The following DAPK1 variants were observed in gnomAD, a reference collection of about 807,000 sequenced individuals.
The protein encoded by DAPK1 is death-associated protein kinase 1.
A neutral mutation model predicts 144.9 loss-of-function variants in DAPK1; 56 were observed. That is an observed-to-expected ratio of 0.39 (90% CI 0.31 to 0.48). DAPK1 has a LOEUF of 0.48. Among genes scored for constraint, DAPK1 ranks in the 20% least tolerant of loss-of-function variants. DAPK1 has a pLI of 0.95. For synonymous variants in DAPK1, 690 were observed against 749.0 expected (o/e 0.92, Z 1.29); for missense variants, 1,454 against 1,875.4 (o/e 0.78, Z 4.15).
intron 19 of DAPK1, among the ~76,000 whole-genome samples, chr9:87,679,732 G>A (rs893362363): frequency 1.3e-5 from 2 of 152,120 alleles, no homozygotes; most frequent in African/African-American, 4.8e-5. Context: ...AGTGAGTAGC[G>A]AACTATTTCA....
At chr9:87,508,479 A>T (rs7856012) in intron 2 of DAPK1, among the ~76,000 whole-genome samples, 2,209 of 151,792 alleles carry the variant, frequency 0.015, 45 homozygotes, top group African/African-American at 0.051. Flanking sequence ...AGTAGCTGGG[A>T]CTACAGGTGC....
chr9:87,558,006 A>G (rs534905717), intron 2 of DAPK1, among the ~76,000 whole-genome samples: 12 of 152,202 alleles, frequency 7.9e-5, no homozygotes, highest in Admixed American at 7.9e-4. Context: ...TGGATAAGTC[A>G]GTTTGGAATC....
At chr9:87,668,742 C>T (rs547726586) in intron 19 of DAPK1, 68 bp downstream of exon 19, 2 of 876,172 alleles carry the variant, frequency 2.3e-6, no homozygotes, top group African/African-American at 3.3e-5. Context: ...CAGTCTTTTT[C>T]CTTATTTGAG....
intron 2 of DAPK1, among the ~76,000 whole-genome samples, chr9:87,541,175 A>G (rs1826035962): frequency 6.6e-6 from 1 of 152,150 alleles, no homozygotes; most frequent in Admixed American, 6.6e-5. Context: ...CTTTTATTCC[A>G]CTGGTGGGAA....
intron 2 of DAPK1, among the ~76,000 whole-genome samples, chr9:87,542,636 C>A (rs959517295): frequency 6.6e-6 from 1 of 152,194 alleles, no homozygotes; most frequent in Non-Finnish European, 1.5e-5. Flanking sequence ...GGAAGGCTCA[C>A]CAAACCCTCT....
At chr9:87,509,882 C>T (rs2118096180) in intron 2 of DAPK1, among the ~76,000 whole-genome samples, 1 of 152,374 alleles carries the variant, frequency 6.6e-6, no homozygotes, top group South Asian at 2.1e-4. Context: ...CTCTTTCTCA[C>T]TTGCTCCGTT....
rs917345797 is a variant in DAPK1 at position 87,581,055 on chromosome 9, C to T, written c.63-23899C>T. 3.9e-5 allele frequency among the ~76,000 whole-genome samples: 6 copies of T among 152,188 alleles called. No individual in the cohort carries two copies. The East Asian group carries it at 5.8e-4, about 15-fold the overall frequency. On this transcript the variant is annotated intron_variant, in intron 2 of 25. Transcript: ENST00000408954. Reference sequence around the variant, plus strand: ...GCGTGACCCAGTTAGATAGCTATCGCGTAACTTATCTGAGTTCTCTCCGCT... The same window carrying T: ...GCGTGACCCAGTTAGATAGCTATCGTGTAACTTATCTGAGTTCTCTCCGCT...
intron 2 of DAPK1, among the ~76,000 whole-genome samples, chr9:87,599,929 A>AT (rs1181300136): frequency 6.6e-6 from 1 of 152,218 alleles, no homozygotes; most frequent in Non-Finnish European, 1.5e-5. Flanking sequence ...ATTCATTAAC[A>AT]TTGAACTCAA....
intron 21 of DAPK1, among the ~76,000 whole-genome samples, chr9:87,694,360 C>T (rs1825182576): frequency 6.6e-6 from 1 of 152,104 alleles, no homozygotes. Flanking sequence ...CTAGGTGATC[C>T]CCAGGTCCCC....
rs996225152 is a variant in DAPK1, at chr9:87,556,998, G to A, written c.63-47956G>A. On this transcript the variant is annotated intron_variant, in intron 2 of 25. Coordinates refer to ENST00000408954, the MANE Select transcript of DAPK1 (RefSeq NM_004938.4). ...TGGCGGAGGTGGGCAGTTGACCTTC[G>A]GCTTTCCCCTTGGCCTCTAGGGATT... Among the ~76,000 whole-genome samples the A allele has an allele frequency of 2.6e-5, 4 of 152,210 alleles. No homozygotes were observed. In the East Asian group the frequency reaches 7.8e-4, roughly 30 times the overall value.
At position 87,707,533 on chromosome 9, in the gene DAPK1, C is replaced by A. The variant is rs1016528262; in HGVS notation, c.*169C>A. ...TGTTTCTCTGCCGCTACCTCCCTCC[C>A]CGTCTCATTCCGTTGTCTGTGGATG... On this transcript the variant is annotated 3_prime_UTR_variant, in exon 26 of 26. Coordinates refer to ENST00000408954, the MANE Select transcript of DAPK1 (RefSeq NM_004938.4). The surrounding 1 kb of genome is among the most constrained non-coding windows in gnomAD (Gnocchi z 4.0). 3.3e-6 allele frequency: 2 copies of A among 599,290 alleles called. No homozygotes were observed. Among genetic ancestry groups the A allele is most frequent in the East Asian group, 5.5e-5 (2 of 36,216 alleles). The allele number at this position is 599,290 out of a possible 1,614,324, so 37.1% of individuals were successfully genotyped here.
Position 87,639,631 on chromosome 9 carries a change from A to AGT in DAPK1, c.554-16_554-15dup. 1 of 1,613,874 alleles carries AGT rather than the reference A, an allele frequency of 6.2e-7. No homozygotes were observed. The stretch of plus-strand genomic sequence containing the variant: ...AGTTTGCTTCCTCCCAAGCTAAATG[A>AGT]GTGTTTGTTTCCTCTTAGCTCCTGA... On this transcript the variant is annotated intron_variant, in intron 5 of 25. Coordinates refer to ENST00000408954, the MANE Select transcript of DAPK1 (RefSeq NM_004938.4).
intron 3 of DAPK1, among the ~76,000 whole-genome samples, chr9:87,609,973 A>T (rs1271209790): frequency 6.6e-6 from 1 of 152,160 alleles, no homozygotes; most frequent in Non-Finnish European, 1.5e-5. Context: ...TGAAATAAAC[A>T]TCCCAAACTA....
At chr9:87,652,327 C>T (rs1213313500) in intron 17 of DAPK1, among the ~76,000 whole-genome samples, 1 of 124,126 alleles carries the variant, frequency 8.1e-6, no homozygotes, top group East Asian at 3.0e-4. Flanking sequence ...GATTCTGTGT[C>T]CTCCCACCTG....
intron 2 of DAPK1, among the ~76,000 whole-genome samples, chr9:87,532,210 G>C (rs924539065): frequency 2.0e-5 from 3 of 152,178 alleles, no homozygotes; most frequent in Admixed American, 6.5e-5. Context: ...TTTTTATAGA[G>C]TCCTTCTGCT....
Position 87,647,423 on chromosome 9 carries a change from G to A in DAPK1, c.1329+20G>A. ...GACAAGGTAAGGCCACTTCTCTTAG[G>A]AGGAACATGAGGTGGTAGTAAATGG... On this transcript the variant is annotated intron_variant, in intron 14 of 25. Coordinates refer to ENST00000408954, the MANE Select transcript of DAPK1 (RefSeq NM_004938.4). 6.3e-7 allele frequency: 1 copy of A among 1,596,564 alleles called. No individual in the cohort carries two copies. The highest frequency in any genetic ancestry group is 8.6e-7 in the Non-Finnish European group (1 of 1,164,206).
At chr9:87,510,165 C>CT (rs1824780779) in intron 2 of DAPK1, among the ~76,000 whole-genome samples, 1 of 152,196 alleles carries the variant, frequency 6.6e-6, no homozygotes, top group Non-Finnish European at 1.5e-5. Flanking sequence ...CTCCCCACCC[C>CT]TTCGTTGGCT....
At chr9:87,541,604 C>G (rs1383785130) in intron 2 of DAPK1, among the ~76,000 whole-genome samples, 1 of 150,812 alleles carries the variant, frequency 6.6e-6, no homozygotes, top group African/African-American at 2.4e-5. Context: ...GTAGTTTAGA[C>G]TCTGTCCAAC....
chr9:87,531,421 A>G (rs1027746245), intron 2 of DAPK1, among the ~76,000 whole-genome samples: 11 of 152,230 alleles, frequency 7.2e-5, no homozygotes, highest in Non-Finnish European at 4.4e-5. Flanking sequence ...GGGAACCAGA[A>G]TAAATAGAAA....
Sources: allele counts gnomAD v4.1 joint callset (sites outside exome capture counted in the v4.1 genomes callset), GRCh38; gene constraint gnomAD v4.1.1; non-coding constraint Gnocchi (gnomAD v3.1); transcripts MANE v1.5; gene names NCBI Gene and HGNC (gene_info 2026-07-23, HGNC 2026-07-21).